HIVEP1: variants seen among roughly 807,000 people sequenced by gnomAD.
The protein encoded by HIVEP1 is zinc finger protein 40.
In HIVEP1, 36 loss-of-function variants were observed where a neutral mutation model predicts 180.0. The observed-to-expected ratio is 0.20, with a 90% confidence interval of 0.15 to 0.26. The LOEUF (loss-of-function observed/expected upper bound fraction) is 0.26. Ranked by LOEUF, HIVEP1 falls within the 10% of genes least tolerant of loss-of-function variation. The pLI is 1.00. For synonymous variants in HIVEP1, 1,239 were observed against 1,239.0 expected, an observed-to-expected ratio of 1.00 and a Z score of 0.00; for missense variants, 3,143 against 3,268.7, an observed-to-expected ratio of 0.96 and a Z score of 0.94.
At chr6:12,151,885 C>A (rs1304026548) in intron 7 of HIVEP1, among the ~76,000 whole-genome samples, 2 of 152,106 alleles carry the variant, frequency 1.3e-5, no homozygotes, top group African/African-American at 4.8e-5. Flanking sequence ...CCTGATATAA[C>A]CATTACTCAC....
the HIVEP1 span, among the ~76,000 whole-genome samples, chr6:12,203,834 T>TG: frequency 6.6e-6 from 1 of 152,126 alleles, no homozygotes; most frequent in Non-Finnish European, 1.5e-5. Flanking sequence ...CCCAGCACTT[T>TG]GGGGGGCCAA....
At chr6:12,210,102 T>TAA in the HIVEP1 span, among the ~76,000 whole-genome samples, 1 of 143,446 alleles carries the variant, frequency 7.0e-6, no homozygotes, top group Admixed American at 6.9e-5. Flanking sequence ...GACTCTGTCT[T>TAA]AAAAAAAAAA....
intron 2 of HIVEP1, among the ~76,000 whole-genome samples, chr6:12,076,951 A>G (rs1340193825): frequency 1.3e-5 from 2 of 152,148 alleles, no homozygotes; most frequent in South Asian, 2.1e-4. Context: ...TGATGTGAGC[A>G]TAGATTACCT....
intron 2 of HIVEP1, among the ~76,000 whole-genome samples, chr6:12,047,403 T>G (rs1386981512): frequency 6.6e-6 from 1 of 152,210 alleles, no homozygotes; most frequent in Non-Finnish European, 1.5e-5. Flanking sequence ...GTTGGACGGT[T>G]GGCCAGTGGG....
intron 2 of HIVEP1, among the ~76,000 whole-genome samples, chr6:12,023,563 A>T (rs1324644830): frequency 6.6e-6 from 1 of 152,236 alleles, no homozygotes; most frequent in Admixed American, 6.5e-5. Flanking sequence ...AATATGGGTG[A>T]AAAAGTTACT....
At chr6:12,204,268 CAG>C in the HIVEP1 span, among the ~76,000 whole-genome samples, 2 of 141,452 alleles carry the variant, frequency 1.4e-5, no homozygotes, top group Admixed American at 7.1e-5. Context: ...CTACCAGACA[CAG>C]AGTTTCTCTT....
chr6:12,012,258 C>A (rs1312534981), upstream of HIVEP1: 2 of 147,714 alleles, frequency 1.4e-5, no homozygotes, highest in East Asian at 2.0e-4. Context: ...CGCTCCCCCC[C>A]CCGCCCCCCG....
At chr6:12,033,388 A>G (rs1399037849) in intron 2 of HIVEP1, among the ~76,000 whole-genome samples, 1 of 152,110 alleles carries the variant, frequency 6.6e-6, no homozygotes, top group Non-Finnish European at 1.5e-5. Context: ...AATGAGAGAC[A>G]GTAGCATTGT....
chr6:12,012,622 A>C (rs868654326), intron 1 of HIVEP1, 56 bp downstream of exon 1: 12 of 91,982 alleles, frequency 1.3e-4, no homozygotes, highest in African/African-American at 6.2e-4. Flanking sequence ...GGCGGGGCGG[A>C]GGGGGGGGGG....
the HIVEP1 span, among the ~76,000 whole-genome samples, chr6:12,178,712 G>C: frequency 6.6e-6 from 1 of 152,100 alleles, no homozygotes; most frequent in Non-Finnish European, 1.5e-5. Context: ...AGAGCTACAC[G>C]TGCAGGCTCT....
At chr6:12,149,881 C>T (rs1192770263) in intron 7 of HIVEP1, among the ~76,000 whole-genome samples, 1 of 152,192 alleles carries the variant, frequency 6.6e-6, no homozygotes, top group Non-Finnish European at 1.5e-5. Flanking sequence ...CAGACCCCTT[C>T]TGAATTCTTT....
chr6:12,101,575 C>A (rs1468455395), intron 3 of HIVEP1, among the ~76,000 whole-genome samples: 1 of 151,158 alleles, frequency 6.6e-6, no homozygotes, highest in Non-Finnish European at 1.5e-5. Context: ...AGAGCTACTA[C>A]AAAGGAAATA....
chr6:12,078,717 C>T (rs1437102749), intron 2 of HIVEP1, among the ~76,000 whole-genome samples: 1 of 111,460 alleles, frequency 9.0e-6, no homozygotes, highest in Non-Finnish European at 2.4e-5. Flanking sequence ...AACACACACA[C>T]ACATATATAT....
chr6:12,112,234 G>A (rs1266892077), intron 3 of HIVEP1, among the ~76,000 whole-genome samples: 1 of 151,956 alleles, frequency 6.6e-6, no homozygotes, highest in Non-Finnish European at 1.5e-5. Flanking sequence ...TCACACCATG[G>A]TTTCCGTTGA....
At chr6:12,194,528 C>T in the HIVEP1 span, among the ~76,000 whole-genome samples, 1 of 152,160 alleles carries the variant, frequency 6.6e-6, no homozygotes, top group Non-Finnish European at 1.5e-5. Flanking sequence ...AGGCCGGACG[C>T]GGTGGCTCAC....
downstream of HIVEP1, chr6:12,165,051 A>C: frequency 2.1e-6 from 1 of 481,496 alleles, no homozygotes; most frequent in South Asian, 1.5e-5. Flanking sequence ...AGTGATCTGC[A>C]TTTGGAAAAT....
At chr6:12,009,112 C>CGTGGCG (rs751182853), upstream of HIVEP1, among the ~76,000 whole-genome samples, 3,415 of 141,998 alleles carry the variant, frequency 0.024, 61 homozygotes, top group Middle Eastern at 0.039. Context: ...GGGATCTCCG[C>CGTGGCG]GTGGCGGTGG....
chr6:12,018,344 G>C (rs1197402947), intron 2 of HIVEP1, among the ~76,000 whole-genome samples: 1 of 152,240 alleles, frequency 6.6e-6, no homozygotes, highest in Non-Finnish European at 1.5e-5. Flanking sequence ...ACAGTGCAGC[G>C]GCGGGCTGAA....
intron 7 of HIVEP1, among the ~76,000 whole-genome samples, chr6:12,157,428 T>C (rs1760126241): frequency 6.6e-6 from 1 of 152,220 alleles, no homozygotes; most frequent in Admixed American, 6.5e-5. Context: ...TGAGTGTTTT[T>C]TATGATTCTG....
Sources: allele counts gnomAD v4.1 joint callset (sites outside exome capture counted in the v4.1 genomes callset), GRCh38; gene constraint gnomAD v4.1.1; transcripts MANE v1.5; gene names NCBI Gene and HGNC (gene_info 2026-07-23, HGNC 2026-07-21).